The following SAMD5 variants were observed in gnomAD, a reference collection of about 807,000 sequenced individuals.
The protein encoded by SAMD5 is sterile alpha motif domain-containing protein 5.
Under a neutral mutation model 11.3 loss-of-function variants are expected in SAMD5, and 13 were observed. The observed-to-expected ratio is 1.15, with a 90% confidence interval of 0.75 to 1.83. The LOEUF (loss-of-function observed/expected upper bound fraction) is 1.83, where lower values mean the gene tolerates loss of function less well. SAMD5 is among the 40% of genes most tolerant of loss of function. The pLI is 0.00. For missense variants in SAMD5, 255 were observed against 239.1 expected, an observed-to-expected ratio of 1.07 and a Z score of -0.44; for synonymous variants, 129 against 111.3, an observed-to-expected ratio of 1.16 and a Z score of -1.00.
chr6:147,780,392 G>A, the SAMD5 span, among the ~76,000 whole-genome samples: 1 of 152,088 alleles, frequency 6.6e-6, no homozygotes, highest in East Asian at 1.9e-4. Flanking sequence ...ATTTTTAGTA[G>A]GGACAGGATT....
chr6:147,669,378 C>T (rs376674963), intron 1 of SAMD5, among the ~76,000 whole-genome samples: 85 of 149,700 alleles, frequency 5.7e-4, no homozygotes, highest in African/African-American at 1.9e-3. Flanking sequence ...CAAATTTAAT[C>T]GTGAGCTTGT....
At chr6:147,603,979 T>A (rs975321996) in intron 1 of SAMD5, among the ~76,000 whole-genome samples, 2 of 152,154 alleles carry the variant, frequency 1.3e-5, no homozygotes, top group African/African-American at 2.4e-5. Flanking sequence ...GCTTATGAGG[T>A]GGCATGTATA....
the SAMD5 span, among the ~76,000 whole-genome samples, chr6:147,839,684 A>G: frequency 6.6e-6 from 1 of 152,234 alleles, no homozygotes; most frequent in African/African-American, 2.4e-5. Flanking sequence ...AGGGAGGCAG[A>G]GGTTGCAGTG....
At chr6:147,797,354 A>T in the SAMD5 span, among the ~76,000 whole-genome samples, 3 of 135,646 alleles carry the variant, frequency 2.2e-5, no homozygotes, top group Non-Finnish European at 4.6e-5. Context: ...GGCTCTGTTT[A>T]TATGCTGGAT....
the SAMD5 span, among the ~76,000 whole-genome samples, chr6:147,951,206 G>T: frequency 1.4e-5 from 2 of 144,814 alleles, no homozygotes; most frequent in Non-Finnish European, 1.5e-5. Context: ...TTTTTATGAC[G>T]GAGTCTCGCT....
chr6:147,707,124 C>G (rs1583147661), intron 1 of SAMD5, among the ~76,000 whole-genome samples: 2 of 152,270 alleles, frequency 1.3e-5, no homozygotes. Flanking sequence ...TGTTCACATC[C>G]TTATCATGCT....
chr6:147,701,514 A>AT (rs1791252803), intron 1 of SAMD5, among the ~76,000 whole-genome samples: 1 of 151,998 alleles, frequency 6.6e-6, no homozygotes, highest in Non-Finnish European at 1.5e-5. Context: ...CGCGCCTGTA[A>AT]TCCCTGCTAC....
intron 1 of SAMD5, among the ~76,000 whole-genome samples, chr6:147,560,508 A>G (rs1487545578): frequency 6.6e-6 from 1 of 152,194 alleles, no homozygotes; most frequent in East Asian, 1.9e-4. Context: ...AATATGGAAA[A>G]TGTGTGTCAA....
At chr6:147,781,506 CT>C in the SAMD5 span, among the ~76,000 whole-genome samples, 2 of 152,036 alleles carry the variant, frequency 1.3e-5, no homozygotes, top group Non-Finnish European at 2.9e-5. Context: ...TGATGTTCAT[CT>C]TACTGAGAAG....
chr6:147,798,273 G>C, the SAMD5 span, among the ~76,000 whole-genome samples: 1 of 149,806 alleles, frequency 6.7e-6, no homozygotes, highest in Non-Finnish European at 1.5e-5. Flanking sequence ...TTGTGTCTTT[G>C]TTCTCATTTG....
the SAMD5 span, among the ~76,000 whole-genome samples, chr6:147,922,258 G>GTGAGCA: frequency 6.6e-6 from 1 of 152,052 alleles, no homozygotes; most frequent in African/African-American, 2.4e-5. Context: ...TGAGCAAACC[G>GTGAGCA]ATTTCCACTG....
the SAMD5 span, among the ~76,000 whole-genome samples, chr6:147,816,315 T>C: frequency 0.014 from 1,786 of 124,512 alleles, 140 homozygotes; most frequent in African/African-American, 0.057. Flanking sequence ...TATATATATA[T>C]ATATATATAT....
At chr6:147,837,307 C>G in the SAMD5 span, among the ~76,000 whole-genome samples, 2 of 152,178 alleles carry the variant, frequency 1.3e-5, no homozygotes, top group Non-Finnish European at 1.5e-5. Context: ...TGGGCACACT[C>G]TAGTCCAAAC....
chr6:147,720,329 G>A (rs1562359544), intron 1 of SAMD5, among the ~76,000 whole-genome samples: 1 of 152,202 alleles, frequency 6.6e-6, no homozygotes, highest in Non-Finnish European at 1.5e-5. Flanking sequence ...CAGGCGCGAT[G>A]GCGGGCTCCT....
At chr6:147,678,405 A>T (rs1316841939) in intron 1 of SAMD5, among the ~76,000 whole-genome samples, 2 of 152,238 alleles carry the variant, frequency 1.3e-5, no homozygotes, top group Non-Finnish European at 2.9e-5. Context: ...AAAACAGCTG[A>T]ATGCTTCATA....
At chr6:147,930,398 C>A in the SAMD5 span, among the ~76,000 whole-genome samples, 1 of 152,114 alleles carries the variant, frequency 6.6e-6, no homozygotes, top group African/African-American at 2.4e-5. Flanking sequence ...TTTATAGCCA[C>A]TCCTCATACC....
chr6:147,945,853 C>A, the SAMD5 span, among the ~76,000 whole-genome samples: 2 of 152,182 alleles, frequency 1.3e-5, no homozygotes, highest in Non-Finnish European at 2.9e-5. Flanking sequence ...AAAAAGAGAG[C>A]AAGACGTGGT....
intron 1 of SAMD5, among the ~76,000 whole-genome samples, chr6:147,685,265 C>T (rs1018598841): frequency 4.6e-5 from 7 of 152,100 alleles, no homozygotes; most frequent in Non-Finnish European, 7.4e-5. Flanking sequence ...GGTGCGATCT[C>T]GGCTCGCTGC....
At chr6:147,570,054 A>G (rs1789113203), downstream of SAMD5, 3 of 971,340 alleles carry the variant, frequency 3.1e-6, no homozygotes, top group African/African-American at 1.8e-5. Context: ...AATCTTCCAC[A>G]TCTTGATGAA....
Sources: gnomAD v4.1 joint callset for allele counts (sites outside exome capture counted in the v4.1 genomes callset) on GRCh38, gnomAD v4.1.1 for gene constraint, MANE v1.5 for transcripts, NCBI Gene and HGNC (gene_info 2026-07-23, HGNC 2026-07-21) for gene names.